Variants in C12orf42 observed in about 807,000 individuals in gnomAD.
C12orf42 encodes chromosome 12 open reading frame 42, also known as uncharacterized protein C12orf42.
A neutral mutation model predicts 21.6 loss-of-function variants in C12orf42; 25 were observed. The ratio of observed to expected loss-of-function variants is 1.16; its 90% CI spans 0.84 to 1.62. The LOEUF (loss-of-function observed/expected upper bound fraction) is 1.62. Among genes scored for constraint, C12orf42 ranks in the 40% most tolerant of loss-of-function variants. C12orf42 has a pLI of 0.00. For missense variants in C12orf42, 483 were observed against 459.3 expected (o/e 1.05, Z -0.47); for synonymous variants, 174 against 175.0 (o/e 0.99, Z 0.05).
intron 4 of C12orf42, among the ~76,000 whole-genome samples, chr12:103,313,044 T>C (rs2039120247): frequency 6.6e-6 from 1 of 152,226 alleles, no homozygotes; most frequent in East Asian, 1.9e-4. Flanking sequence ...TTCCACTCTG[T>C]CTTTTCCTCT....
At chr12:103,420,043 A>C (rs1016539385) in intron 2 of C12orf42, among the ~76,000 whole-genome samples, 1 of 152,244 alleles carries the variant, frequency 6.6e-6, no homozygotes, top group Non-Finnish European at 1.5e-5. Flanking sequence ...GATATCATAT[A>C]AAATTGCATT....
chr12:103,213,509 A>G, the C12orf42 span, among the ~76,000 whole-genome samples: 1 of 152,184 alleles, frequency 6.6e-6, no homozygotes, highest in Non-Finnish European at 1.5e-5. Context: ...TGCATATCTA[A>G]AGCATAAGTG....
chr12:103,290,309 C>T (rs544497020), intron 4 of C12orf42, among the ~76,000 whole-genome samples: 2 of 152,294 alleles, frequency 1.3e-5, no homozygotes, highest in African/African-American at 2.4e-5. Flanking sequence ...TTGTCTCCTT[C>T]CTCTAGCCAA....
At chr12:103,260,733 C>T (rs1364633564) in intron 10 of C12orf42, among the ~76,000 whole-genome samples, 1 of 152,208 alleles carries the variant, frequency 6.6e-6, no homozygotes, top group Non-Finnish European at 1.5e-5. Context: ...GACAATTAGG[C>T]ATACCATGCA....
chr12:103,194,906 CAT>C, the C12orf42 span, among the ~76,000 whole-genome samples: 1 of 152,154 alleles, frequency 6.6e-6, no homozygotes, highest in Admixed American at 6.5e-5. Flanking sequence ...AGGTAACAAA[CAT>C]AGCACCTGAT....
chr12:103,128,918 T>A, the C12orf42 span, among the ~76,000 whole-genome samples: 1 of 152,208 alleles, frequency 6.6e-6, no homozygotes. Flanking sequence ...AATATTATCT[T>A]CTTTTTTGGA....
the C12orf42 span, among the ~76,000 whole-genome samples, chr12:103,169,197 T>A: frequency 7.5e-6 from 1 of 133,684 alleles, no homozygotes; most frequent in Non-Finnish European, 1.6e-5. Context: ...AATAAATAAA[T>A]AAAATAAAGA....
At chr12:103,311,833 A>G (rs1467376471) in intron 4 of C12orf42, among the ~76,000 whole-genome samples, 1 of 152,200 alleles carries the variant, frequency 6.6e-6, no homozygotes, top group Non-Finnish European at 1.5e-5. Context: ...GTGGGACCCT[A>G]GTATCTGTTC....
At chr12:103,261,562 T>C (rs1165972599) in intron 10 of C12orf42, among the ~76,000 whole-genome samples, 2 of 151,942 alleles carry the variant, frequency 1.3e-5, no homozygotes, top group South Asian at 2.1e-4. Context: ...ATTTCCGTCT[T>C]CCATAATACT....
At chr12:103,294,606 AAGAAAGAAAGAAAGAAAG>A (rs1318095396) in intron 4 of C12orf42, among the ~76,000 whole-genome samples, 1 of 142,486 alleles carries the variant, frequency 7.0e-6, no homozygotes, top group African/African-American at 2.7e-5. Flanking sequence ...GAAAGAAAGA[AAGAAAGAAAGAAAGAAAG>A]AAAGAAAGAA....
Position 103,306,031 on chromosome 12 carries a change from T to G in C12orf42, c.574A>C (p.Ile192Leu), listed in dbSNP as rs754948537. Residue 192 changes from isoleucine to leucine, a missense_variant, in exon 5 of 6, where the codon ATC (isoleucine) becomes CTC (leucine). Physicochemically the swap from Ile to Leu is conservative, Grantham distance 5 (BLOSUM62 2). Transcript: ENST00000548883. ...PVHLEAQGIH[I>L]SRHTRPKGQP... ...CCCTTAGGTCTTGTGTGTCTACTGA[T>G]GTGTATGCCCTGAGCCTCCAGGTGA... 1.2e-6 allele frequency: 2 copies of G among 1,613,996 alleles called. No homozygotes were observed. The highest frequency in any genetic ancestry group is 2.2e-5 in the East Asian group (1 of 44,888).
At chr12:103,485,578 A>T (rs1423683251) in intron 1 of C12orf42, among the ~76,000 whole-genome samples, 1 of 152,152 alleles carries the variant, frequency 6.6e-6, no homozygotes, top group African/African-American at 2.4e-5. Context: ...GGCCATTTTC[A>T]TGATATTGAT....
chr12:103,426,237 C>T (rs1278470039), intron 2 of C12orf42, among the ~76,000 whole-genome samples: 1 of 152,078 alleles, frequency 6.6e-6, no homozygotes, highest in Non-Finnish European at 1.5e-5. Flanking sequence ...GAATTGCTAA[C>T]TAGAAAAACC....
chr12:103,312,721 G>A (rs2039087286), intron 4 of C12orf42, among the ~76,000 whole-genome samples: 1 of 152,106 alleles, frequency 6.6e-6, no homozygotes, highest in Non-Finnish European at 1.5e-5. Context: ...AAGCATCTCT[G>A]TGTCTTATTT....
At chr12:103,371,959 C>T (rs1053277315) in intron 3 of C12orf42, among the ~76,000 whole-genome samples, 1 of 152,176 alleles carries the variant, frequency 6.6e-6, no homozygotes, top group African/African-American at 2.4e-5. Context: ...CTCAAATCCA[C>T]TCTTTCTTAC....
intron 4 of C12orf42, among the ~76,000 whole-genome samples, chr12:103,352,861 C>A (rs570466518): frequency 6.6e-6 from 1 of 152,132 alleles, no homozygotes; most frequent in South Asian, 2.1e-4. Flanking sequence ...CATAACAATA[C>A]CTGGCACATA....
At chr12:103,555,867 C>T in the C12orf42 span, among the ~76,000 whole-genome samples, 3 of 152,028 alleles carry the variant, frequency 2.0e-5, no homozygotes, top group Admixed American at 6.6e-5. Context: ...TACCTCACCC[C>T]CACCTGCCAC....
chr12:103,441,214 T>G (rs1951219429), intron 2 of C12orf42, among the ~76,000 whole-genome samples: 1 of 152,158 alleles, frequency 6.6e-6, no homozygotes, highest in African/African-American at 2.4e-5. Flanking sequence ...AGAAAGTTTA[T>G]TTCCTAGACT....
At chr12:103,254,979 T>A (rs1445411458) in intron 10 of C12orf42, among the ~76,000 whole-genome samples, 2 of 152,170 alleles carry the variant, frequency 1.3e-5, no homozygotes, top group Non-Finnish European at 2.9e-5. Flanking sequence ...AAAATATGTA[T>A]TCTGTAAGTG....
Sources: allele counts gnomAD v4.1 joint callset (sites outside exome capture counted in the v4.1 genomes callset), GRCh38; gene constraint gnomAD v4.1.1; transcripts MANE v1.5; gene names NCBI Gene and HGNC (gene_info 2026-07-23, HGNC 2026-07-21).